CRY2: variants seen among roughly 807,000 people sequenced by gnomAD.
CRY2 encodes cryptochrome circadian regulator 2.
In CRY2, 31 loss-of-function variants were observed where a neutral mutation model predicts 69.5. That is an observed-to-expected ratio of 0.45 (90% CI 0.34 to 0.60). CRY2 has a LOEUF of 0.60. Among genes scored for constraint, CRY2 ranks in the 20% least tolerant of loss-of-function variants. The pLI, the probability that CRY2 is intolerant of heterozygous loss-of-function variation, is 0.02. For missense variants in CRY2, 606 were observed against 797.8 expected (o/e 0.76, Z 2.90); for synonymous variants, 303 against 312.2 (o/e 0.97, Z 0.31).
At position 45,850,621 on chromosome 11, in the gene CRY2, C is replaced by T. The variant is rs539071338; in HGVS notation, c.215+2916C>T. On this transcript the variant is annotated intron_variant, in intron 1 of 11. Transcript: ENST00000616080. ...GGATAGAGGGGAGGGCTGGAGCCAG[C>T]CATATCTTGACATGACTGTAGTATG... 2.6e-5 allele frequency among the ~76,000 whole-genome samples: 4 copies of T among 152,178 alleles called. No individual in the cohort carries two copies. In the East Asian group the frequency reaches 7.7e-4, roughly 29 times the overall value.
At chr11:45,854,407 C>T (rs921036372) in intron 1 of CRY2, among the ~76,000 whole-genome samples, 1 of 152,118 alleles carries the variant, frequency 6.6e-6, no homozygotes, top group African/African-American at 2.4e-5. Context: ...GCACAGAACC[C>T]TCACGGTGGC....
At position 45,872,179 on chromosome 11, in the gene CRY2, G is replaced by A. The variant is rs777749647; in HGVS notation, c.1730G>A (p.Arg577Gln). 2.5e-6 allele frequency: 4 copies of A among 1,614,114 alleles called. No homozygotes were observed. Among genetic ancestry groups the A allele is most frequent in the East Asian group, 2.2e-5 (1 of 44,868 alleles). The change falls in exon 11 of 12, where the codon CGG becomes CAG. Residue 577 changes from arginine (R) to glutamine (Q), a missense_variant. Arg to Gln is a conservative substitution (Grantham distance 43). Around this residue, in one of 5 missense-constraint regions of CRY2, gnomAD observed 173 missense variants for 213.7 expected, o/e 0.81. Transcript: ENST00000616080. ...CCACCTGGTGAAGAACTCAGCAAACGGGCCCGGGTGGCAGAGTTGCCAACC... is the reference window on the plus strand; with the variant it reads ...CCACCTGGTGAAGAACTCAGCAAACAGGCCCGGGTGGCAGAGTTGCCAACC... ...EEPPGEELSK[R>Q]ARVAELPTPE...
chr11:45,873,664 C>T (rs1384351890), intron 11 of CRY2, among the ~76,000 whole-genome samples: 2 of 152,154 alleles, frequency 1.3e-5, no homozygotes, highest in African/African-American at 4.8e-5. Flanking sequence ...GAGCATTAAA[C>T]ATATAAAATG....
At chr11:45,874,495 C>T (rs2086410805) in intron 11 of CRY2, among the ~76,000 whole-genome samples, 1 of 152,200 alleles carries the variant, frequency 6.6e-6, no homozygotes, top group African/African-American at 2.4e-5. Context: ...GCAAGGGCAG[C>T]TGCACTCCTT....
chr11:45,861,329 G>T, intron 4 of CRY2: 1 of 301,298 alleles, frequency 3.3e-6, no homozygotes, highest in South Asian at 6.8e-5. Flanking sequence ...CCTGGTGCTG[G>T]TGTCCATGGG....
intron 8 of CRY2, 30 bp downstream of exon 8, chr11:45,870,234 C>T: frequency 6.2e-7 from 1 of 1,610,300 alleles, no homozygotes; most frequent in Non-Finnish European, 8.5e-7. Flanking sequence ...TCTCTGGCCT[C>T]TGACCACTGT....
intron 11 of CRY2, among the ~76,000 whole-genome samples, chr11:45,874,279 T>TA (rs144754663): frequency 0.03 from 4,355 of 142,892 alleles, 70 homozygotes; most frequent in South Asian, 0.042. Context: ...AAACTCTGTC[T>TA]AAAAAAAAAA....
intron 11 of CRY2, among the ~76,000 whole-genome samples, chr11:45,880,655 G>T (rs1283462685): frequency 6.6e-6 from 1 of 152,140 alleles, no homozygotes; most frequent in Admixed American, 6.5e-5. Flanking sequence ...CTCCTCCTCT[G>T]CTGTCCGCAG....
At position 45,860,936 on chromosome 11, in the gene CRY2, G is replaced by T; in HGVS notation, c.556G>T (p.Val186Leu). ...ISRMELPKKPVGLVTSQQMES... is the reference protein window; with the variant it reads ...ISRMELPKKPLGLVTSQQMES... ...CCGCATGGAGCTGCCCAAGAAGCCA[G>T]TGGGCTTGGTGACCAGCCAGCAGAT... is the stretch of plus-strand genomic sequence containing the variant. Residue 186 changes from valine (V) to leucine (L), a missense_variant, in exon 4 of 12, where the codon GTG becomes TTG. By Grantham distance (32) the Val-to-Leu change is conservative (BLOSUM62 1). Coordinates refer to ENST00000616080, the MANE Select transcript of CRY2 (RefSeq NM_021117.5). 6.2e-7 allele frequency: 1 copy of T among 1,614,174 alleles called. No individual in the cohort carries two copies. The highest frequency in any genetic ancestry group is 1.1e-5 in the South Asian group (1 of 91,088).
At chr11:45,867,430 A>C (rs1176557624) in intron 5 of CRY2, 182 bp from the exon 6 acceptor site, 10 of 661,184 alleles carry the variant, frequency 1.5e-5, no homozygotes, top group Non-Finnish European at 2.6e-5. Flanking sequence ...AGAATGACAT[A>C]GACTCGTTGT....
At chr11:45,874,095 A>G (rs545974553) in intron 11 of CRY2, among the ~76,000 whole-genome samples, 1 of 152,202 alleles carries the variant, frequency 6.6e-6, no homozygotes, top group South Asian at 2.1e-4. Context: ...CAGCCTCATC[A>G]GCTTGGAGAA....
intron 1 of CRY2, among the ~76,000 whole-genome samples, chr11:45,851,436 A>G (rs2134627363): frequency 6.6e-6 from 1 of 152,314 alleles, no homozygotes; most frequent in South Asian, 2.1e-4. Flanking sequence ...CTCTTCCCAG[A>G]TGCTGAGAGC....
intron 10 of CRY2, among the ~76,000 whole-genome samples, chr11:45,871,523 A>T (rs1166628508): frequency 6.6e-6 from 1 of 152,076 alleles, no homozygotes; most frequent in Non-Finnish European, 1.5e-5. Flanking sequence ...TGCTGGGTGG[A>T]GATTGGACAG....
chr11:45,856,177 G>A (rs888546903), intron 2 of CRY2, 87 bp downstream of exon 2: 1 of 1,129,010 alleles, frequency 8.9e-7, no homozygotes, highest in African/African-American at 1.6e-5. Flanking sequence ...TTCCGACTGA[G>A]GGAATGGAAA....
In CRY2 at chr11:45,867,673, C is replaced by T; in HGVS notation, c.803C>T (p.Thr268Ile). ...MNANSLLASP[T>I]GLSPYLRFGC... Reference sequence around the variant, plus strand: ...GCCAACTCCCTCCTGGCCAGCCCCACAGGCCTCAGCCCCTACCTGCGCTTT... The same window carrying T: ...GCCAACTCCCTCCTGGCCAGCCCCATAGGCCTCAGCCCCTACCTGCGCTTT... The change falls in exon 6 of 12, where the codon ACA (threonine) becomes ATA (isoleucine). Residue 268 changes from threonine to isoleucine, a missense_variant. Thr to Ile is a moderately conservative substitution (Grantham distance 89). Transcript: ENST00000616080. 1.9e-6 allele frequency: 3 copies of T among 1,614,254 alleles called. No homozygotes were observed. Among genetic ancestry groups the T allele is most frequent in the East Asian group, 2.2e-5 (1 of 44,886 alleles).
chr11:45,876,389 G>A (rs2086424965), intron 11 of CRY2, among the ~76,000 whole-genome samples: 1 of 152,188 alleles, frequency 6.6e-6, no homozygotes, highest in South Asian at 2.1e-4. Flanking sequence ...TATCTGTTCT[G>A]CATTAAGTTT....
In CRY2 at chr11:45,858,977, C is replaced by A. The variant is rs2086264732; in HGVS notation, c.467+104C>A. 2.2e-6 allele frequency: 3 copies of A among 1,393,454 alleles called. No individual in the cohort carries two copies. In the South Asian group the frequency reaches 4.1e-5, roughly 19 times the overall value. 86.3% of individuals were successfully genotyped at this position (1,393,454 alleles called of 1,614,324 possible). On this transcript the variant is annotated intron_variant, in intron 3 of 11. Coordinates refer to ENST00000616080, the MANE Select transcript of CRY2 (RefSeq NM_021117.5). Reference sequence around the variant, plus strand: ...AGGTTCAGCATTAGGGCTACCTGACCCAGGAGGCATGGCATCTTCTAGAAG... The same window carrying A: ...AGGTTCAGCATTAGGGCTACCTGACACAGGAGGCATGGCATCTTCTAGAAG...
At chr11:45,847,389 AAG>A, upstream of CRY2, 1 of 1,598,236 alleles carries the variant, frequency 6.3e-7, no homozygotes, top group Admixed American at 1.7e-5. Context: ...GGCGGGGACT[AAG>A]GGTGGAGTTG....
At chr11:45,866,231 G>A (rs979225427) in intron 5 of CRY2, among the ~76,000 whole-genome samples, 2 of 152,232 alleles carry the variant, frequency 1.3e-5, no homozygotes, top group Non-Finnish European at 1.5e-5. Context: ...TTTCTAGCAG[G>A]CAGCTGGGTG....
Sources: gnomAD v4.1 joint callset for allele counts (sites outside exome capture counted in the v4.1 genomes callset) on GRCh38, gnomAD v4.1.1 for gene constraint, gnomAD v4.1.1 regional missense constraint, MANE v1.5 for transcripts, NCBI Gene and HGNC (gene_info 2026-07-23, HGNC 2026-07-21) for gene names.